The following PARD6G variants were observed in gnomAD, a reference collection of about 807,000 sequenced individuals.
PARD6G encodes the protein partitioning defective 6 homolog gamma.
Under a neutral mutation model 10.7 loss-of-function variants are expected in PARD6G, and 7 were observed. The observed-to-expected ratio is 0.66, with a 90% CI of 0.37 to 1.23. PARD6G has a LOEUF of 1.23. Ranked by LOEUF, PARD6G falls within the 50% of genes most tolerant of loss-of-function variation. The pLI is 0.02. For synonymous variants in PARD6G, 287 were observed against 269.4 expected (o/e 1.07, Z -0.64); for missense variants, 548 against 571.8 (o/e 0.96, Z 0.42).
chr18:80,163,023 G>A (rs2052710928), intron 2 of PARD6G, among the ~76,000 whole-genome samples: 1 of 152,194 alleles, frequency 6.6e-6, no homozygotes, highest in African/African-American at 2.4e-5. Flanking sequence ...GGCCGCAGAT[G>A]GAAGTGTGGC....
intron 1 of PARD6G, among the ~76,000 whole-genome samples, chr18:80,211,800 C>A (rs1967111016): frequency 6.6e-6 from 1 of 152,040 alleles, no homozygotes; most frequent in African/African-American, 2.4e-5. Flanking sequence ...ATAAGCTGGT[C>A]AGAGAAGGAC....
At chr18:80,214,878 C>A (rs2145289806) in intron 1 of PARD6G, among the ~76,000 whole-genome samples, 2 of 152,220 alleles carry the variant, frequency 1.3e-5, no homozygotes, top group Admixed American at 1.3e-4. Flanking sequence ...GTGTATCCTA[C>A]TTGCAGTTTG....
intron 2 of PARD6G, among the ~76,000 whole-genome samples, chr18:80,194,711 G>C (rs1180758707): frequency 6.6e-6 from 1 of 152,192 alleles, no homozygotes; most frequent in Non-Finnish European, 1.5e-5. Context: ...TATTTCTAAG[G>C]GTTCCTGAAG....
intron 2 of PARD6G, among the ~76,000 whole-genome samples, chr18:80,196,892 A>T (rs1007970238): frequency 9.4e-5 from 4 of 42,416 alleles, no homozygotes; most frequent in South Asian, 1.5e-3. Context: ...TCTTTTATTA[A>T]AAAAAAAAAA....
intron 1 of PARD6G, among the ~76,000 whole-genome samples, chr18:80,237,431 A>G (rs1226228805): frequency 6.6e-6 from 1 of 152,264 alleles, no homozygotes; most frequent in Non-Finnish European, 1.5e-5. Context: ...CATTCAGGAC[A>G]TAGGCATGGG....
Position 80,159,624 on chromosome 18 carries a change from T to TG in PARD6G, c.*146dup. 1 of 1,205,176 alleles carries TG rather than the reference T, an allele frequency of 8.3e-7. No homozygotes were observed. The highest frequency in any genetic ancestry group is 1.1e-6 in the Non-Finnish European group (1 of 941,186). 74.7% of individuals were successfully genotyped at this position (1,205,176 alleles called of 1,614,324 possible). A position where few individuals can be genotyped will look rare whatever the true frequency, so the allele number is the denominator to read the frequency against. ...AAATTCTATAAAAATAGGCAATACT[T>TG]GTGTTTTTATATCCGGAAGTTGAAA... is the stretch of plus-strand genomic sequence containing the variant. On this transcript the variant is annotated 3_prime_UTR_variant, in exon 3 of 3. Coordinates refer to ENST00000353265, the MANE Select transcript of PARD6G (RefSeq NM_032510.4).
At chr18:80,172,294 G>A (rs989896334) in intron 2 of PARD6G, among the ~76,000 whole-genome samples, 1 of 151,938 alleles carries the variant, frequency 6.6e-6, no homozygotes, top group African/African-American at 2.4e-5. Context: ...ATCTTTTCAT[G>A]TGCTTATTGG....
chr18:80,203,170 G>A (rs1227133007), intron 1 of PARD6G, among the ~76,000 whole-genome samples: 10 of 152,170 alleles, frequency 6.6e-5, no homozygotes, highest in Admixed American at 6.5e-4. Flanking sequence ...AAACACAATA[G>A]TAAGACTGCT....
chr18:80,167,250 G>C (rs1442454075), intron 2 of PARD6G, among the ~76,000 whole-genome samples: 1 of 151,894 alleles, frequency 6.6e-6, no homozygotes, highest in Non-Finnish European at 1.5e-5. Context: ...ATAACACATG[G>C]GCAGTGTTGC....
At position 80,196,683 on chromosome 18, in the gene PARD6G, G is replaced by A. The variant is rs576263779; in HGVS notation, c.295+6027C>T. On this transcript the variant is annotated intron_variant, in intron 2 of 2. Coordinates refer to ENST00000353265, the MANE Select transcript of PARD6G (RefSeq NM_032510.4). ...AGAGAGCAGGGCGGCTGCTCACAGC[G>A]CCTGCAGGGCTCGGCTTCATGTGGG... Among the ~76,000 whole-genome samples the A allele has an allele frequency of 7.9e-5, 12 of 152,214 alleles. No individual in the cohort carries two copies. The South Asian group carries it at 1.7e-3, about 21-fold the overall frequency.
Position 80,181,896 on chromosome 18 carries a change from C to T in PARD6G, c.295+20814G>A, listed in dbSNP as rs971514090. On this transcript the variant is annotated intron_variant, in intron 2 of 2. Coordinates refer to ENST00000353265, the MANE Select transcript of PARD6G (RefSeq NM_032510.4). This position sits in a 1 kb window ranked among gnomAD's most constrained non-coding sequence, Gnocchi z 7.9. ...CCCTGGGAGGGAAGCAGCCCAGCCC[C>T]GCTGATAGAACCTGCATTTCAAACA... Among the ~76,000 whole-genome samples the T allele has an allele frequency of 2.6e-5, 4 of 152,146 alleles. No individual in the cohort carries two copies. The highest frequency in any genetic ancestry group is 4.1e-4 in the South Asian group (2 of 4,828).
intron 1 of PARD6G, among the ~76,000 whole-genome samples, chr18:80,237,800 C>A (rs939565199): frequency 1.1e-4 from 16 of 152,124 alleles, no homozygotes; most frequent in African/African-American, 3.9e-4. Context: ...CAATGAGATA[C>A]CATCTCACAC....
chr18:80,217,319 T>C (rs1022337041), intron 1 of PARD6G, among the ~76,000 whole-genome samples: 5 of 152,128 alleles, frequency 3.3e-5, no homozygotes, highest in Non-Finnish European at 2.9e-5. Context: ...TACCAAATAA[T>C]TTATTACCAA....
At chr18:80,209,672 C>T (rs1265064319) in intron 1 of PARD6G, among the ~76,000 whole-genome samples, 1 of 151,962 alleles carries the variant, frequency 6.6e-6, no homozygotes, top group Non-Finnish European at 1.5e-5. Context: ...ATTAGCCAGG[C>T]GTGGTGGCAC....
At chr18:80,172,787 TTC>T (rs2052785765) in intron 2 of PARD6G, among the ~76,000 whole-genome samples, 2 of 152,312 alleles carry the variant, frequency 1.3e-5, no homozygotes, top group South Asian at 4.1e-4. Context: ...TTGTGAGGGG[TTC>T]TGTTTTCTCA....
chr18:80,174,812 G>C (rs1453460013), intron 2 of PARD6G, among the ~76,000 whole-genome samples: 1 of 152,110 alleles, frequency 6.6e-6, no homozygotes, highest in Non-Finnish European at 1.5e-5. Flanking sequence ...AAATTAGCCG[G>C]GCTTGGTGGC....
chr18:80,229,148 C>A (rs748883601), intron 1 of PARD6G, among the ~76,000 whole-genome samples: 2 of 152,116 alleles, frequency 1.3e-5, no homozygotes, highest in African/African-American at 2.4e-5. Flanking sequence ...CCATGTTGGC[C>A]AGGCTGGTCT....
intron 1 of PARD6G, among the ~76,000 whole-genome samples, chr18:80,210,220 C>G (rs1967094535): frequency 6.6e-6 from 1 of 152,134 alleles, no homozygotes; most frequent in Admixed American, 6.5e-5. Context: ...CAAGCACTTC[C>G]AGAATGGAAG....
chr18:80,218,608 C>T (rs911154772), intron 1 of PARD6G, among the ~76,000 whole-genome samples: 12 of 152,148 alleles, frequency 7.9e-5, no homozygotes, highest in African/African-American at 2.9e-4. Context: ...GCGCACAGTG[C>T]AAGCTGTCGG....
Sources: allele counts gnomAD v4.1 joint callset (sites outside exome capture counted in the v4.1 genomes callset), GRCh38; gene constraint gnomAD v4.1.1; non-coding constraint Gnocchi (gnomAD v3.1); transcripts MANE v1.5; gene names NCBI Gene and HGNC (gene_info 2026-07-23, HGNC 2026-07-21).